CWF19L2: variants seen among roughly 807,000 people sequenced by gnomAD.
The protein encoded by CWF19L2 is CWF19 like cell cycle control factor 2.
In CWF19L2, 98 loss-of-function variants were observed where a neutral mutation model predicts 111.7. The observed-to-expected ratio is 0.88, with a 90% CI of 0.75 to 1.04. The LOEUF (loss-of-function observed/expected upper bound fraction) is 1.04. CWF19L2 is among the 50% of genes least tolerant of loss of function. The probability of loss-of-function intolerance (pLI) is 0.00; values close to 1 mark genes in which losing one functional copy is unlikely to be tolerated. For missense variants in CWF19L2, 1,101 were observed against 1,051.4 expected, an observed-to-expected ratio of 1.05 and a Z score of -0.65; for synonymous variants, 351 against 342.9, an observed-to-expected ratio of 1.02 and a Z score of -0.26.
At chr11:107,342,682 GC>G (rs557273247) in intron 14 of CWF19L2, among the ~76,000 whole-genome samples, 385 of 152,114 alleles carry the variant, frequency 2.5e-3, no homozygotes, top group South Asian at 8.5e-3. Context: ...CTGACTAATG[GC>G]CCCCAAGATA....
rs138792527 is a variant in CWF19L2, at chr11:107,425,179, AACAC to A, written c.1433+3616_1433+3619del. ...TCACATTAAAATGTACTCTCTTTGA[AACAC>A]ACACACACACACACACACACACACA... On this transcript the variant is annotated intron_variant, in intron 8 of 17. Coordinates refer to ENST00000282251, the MANE Select transcript of CWF19L2 (RefSeq NM_152434.3). 4.2e-3 allele frequency among the ~76,000 whole-genome samples: 606 copies of A among 144,906 alleles called. 2 individuals carry two copies. The highest frequency in any genetic ancestry group is 8.3e-3 in the African/African-American group (331 of 39,768).
chr11:107,440,578 T>A (rs1240449403), intron 5 of CWF19L2, among the ~76,000 whole-genome samples: 1 of 151,986 alleles, frequency 6.6e-6, no homozygotes, highest in African/African-American at 2.4e-5. Context: ...AATATACACA[T>A]AAGATACTCA....
At chr11:107,410,144 G>A (rs555080336) in intron 10 of CWF19L2, among the ~76,000 whole-genome samples, 71 of 152,170 alleles carry the variant, frequency 4.7e-4, no homozygotes, top group African/African-American at 1.7e-3. Context: ...AGAATTCTTC[G>A]CTGTTCAAGC....
intron 6 of CWF19L2, among the ~76,000 whole-genome samples, chr11:107,434,396 G>A (rs1457067606): frequency 6.6e-6 from 1 of 151,820 alleles, no homozygotes; most frequent in Non-Finnish European, 1.5e-5. Context: ...TACACATCAC[G>A]CTTTGGATAT....
chr11:107,369,168 T>C lies in CWF19L2; in HGVS notation c.1873-15432A>G, dbSNP rs1860474416. On this transcript the variant is annotated intron_variant, in intron 12 of 17. Coordinates refer to ENST00000282251, the MANE Select transcript of CWF19L2 (RefSeq NM_152434.3). ...CAAGAGTTACACGGTTTTTTAGTTA[T>C]CCATTTTTTTCTTCATTATTTGTGC... 1.5e-5 allele frequency among the ~76,000 whole-genome samples: 2 copies of C among 137,912 alleles called. 1 individual carries two copies. The highest frequency in any genetic ancestry group is 4.9e-4 in the South Asian group (2 of 4,076). 90.5% of individuals were successfully genotyped at this position (137,912 alleles called of 152,430 possible).
At chr11:107,431,989 G>C (rs1365105808) in intron 7 of CWF19L2, among the ~76,000 whole-genome samples, 1 of 151,950 alleles carries the variant, frequency 6.6e-6, no homozygotes, top group African/African-American at 2.4e-5. Flanking sequence ...AACTGAACAA[G>C]CACTCAAGTA....
chr11:107,406,834 C>G (rs1861085549), intron 10 of CWF19L2, among the ~76,000 whole-genome samples: 1 of 151,520 alleles, frequency 6.6e-6, no homozygotes, highest in African/African-American at 2.4e-5. Flanking sequence ...ATCGTATCTA[C>G]TCTTTGTTAT....
chr11:107,378,958 G>C (rs765891597), intron 12 of CWF19L2, among the ~76,000 whole-genome samples: 1 of 152,208 alleles, frequency 6.6e-6, no homozygotes. Context: ...ACAAAGGAGA[G>C]ATCATTCTCC....
chr11:107,380,877 T>C (rs1860675853), intron 12 of CWF19L2, among the ~76,000 whole-genome samples: 1 of 152,210 alleles, frequency 6.6e-6, no homozygotes, highest in Non-Finnish European at 1.5e-5. Context: ...ATAGAGTTAT[T>C]CAGCCTTAAA....
In CWF19L2 at chr11:107,326,521, G is replaced by T. The variant is rs915101435; in HGVS notation, c.*389C>A. ...TCGTCTTATTTTTAAAAATGCAAAA[G>T]AAGCCAGACAGTAGACTTAACAACC... On this transcript the variant is annotated 3_prime_UTR_variant, in exon 18 of 18. Coordinates refer to ENST00000282251, the MANE Select transcript of CWF19L2 (RefSeq NM_152434.3). 4 of 160,008 alleles carry T rather than the reference G, an allele frequency of 2.5e-5. No individual in the cohort carries two copies. Among genetic ancestry groups the T allele is most frequent in the Non-Finnish European group, 5.4e-5 (4 of 73,732 alleles). The allele number at this position is 160,008 out of a possible 1,614,324, so 9.9% of individuals were successfully genotyped here.
At chr11:107,380,168 T>A (rs1163276027) in intron 12 of CWF19L2, among the ~76,000 whole-genome samples, 1 of 151,970 alleles carries the variant, frequency 6.6e-6, no homozygotes, top group Non-Finnish European at 1.5e-5. Flanking sequence ...ATGAATCTAT[T>A]TAATAAGTGC....
In CWF19L2 at chr11:107,371,722, C is replaced by T. The variant is rs1010275810; in HGVS notation, c.1873-17986G>A. ...GGAAACCTGCCCCAGGATCTGACTG[C>T]CCCTGTAACCACAGTTCTAGATGAT... On this transcript the variant is annotated intron_variant, in intron 12 of 17. Transcript: ENST00000282251. 1.2e-4 allele frequency among the ~76,000 whole-genome samples: 17 copies of T among 137,240 alleles called. 4 individuals are homozygous for T. The highest frequency in any genetic ancestry group is 4.7e-4 in the African/African-American group (16 of 34,298). 90.0% of individuals were successfully genotyped at this position (137,240 alleles called of 152,430 possible).
At chr11:107,443,737 T>C (rs1861664770) in intron 3 of CWF19L2, among the ~76,000 whole-genome samples, 1 of 152,200 alleles carries the variant, frequency 6.6e-6, no homozygotes, top group South Asian at 2.1e-4. Context: ...AATTTGCTGT[T>C]TGCCCCTAAG....
At chr11:107,390,674 T>C (rs61660538) in intron 11 of CWF19L2, among the ~76,000 whole-genome samples, 2,658 of 152,302 alleles carry the variant, frequency 0.017, 59 homozygotes, top group African/African-American at 0.059. Flanking sequence ...AATCTCAGTA[T>C]GAAGGTATTA....
chr11:107,456,920 A>G (rs891861724), intron 1 of CWF19L2, among the ~76,000 whole-genome samples: 6 of 152,112 alleles, frequency 3.9e-5, no homozygotes, highest in African/African-American at 1.5e-4. Flanking sequence ...TTTTCCCTTT[A>G]GAGTCTCCTC....
At chr11:107,387,740 G>C (rs1860791581) in intron 12 of CWF19L2, among the ~76,000 whole-genome samples, 1 of 152,174 alleles carries the variant, frequency 6.6e-6, no homozygotes, top group African/African-American at 2.4e-5. Context: ...ATTCACAATA[G>C]GGTTCATGCT....
chr11:107,443,161 G>T, intron 3 of CWF19L2, 112 bp from the exon 4 acceptor site: 1 of 715,740 alleles, frequency 1.4e-6, no homozygotes, highest in Non-Finnish European at 2.4e-6. Context: ...TTCTTACACT[G>T]TATTTCCCCT....
intron 13 of CWF19L2, among the ~76,000 whole-genome samples, chr11:107,351,634 T>C (rs776579909): frequency 1.3e-5 from 2 of 152,216 alleles, no homozygotes; most frequent in South Asian, 2.1e-4. Flanking sequence ...AAGTCTTCTA[T>C]AGTAGATTGC....
chr11:107,368,735 T>C (rs978081485), intron 12 of CWF19L2, among the ~76,000 whole-genome samples: 1 of 138,432 alleles, frequency 7.2e-6, no homozygotes, highest in African/African-American at 2.9e-5. Context: ...ATTTCTTTTA[T>C]AGTCATTTTG....
Sources: gnomAD v4.1 joint callset for allele counts (sites outside exome capture counted in the v4.1 genomes callset) on GRCh38, gnomAD v4.1.1 for gene constraint, MANE v1.5 for transcripts, NCBI Gene and HGNC (gene_info 2026-07-23, HGNC 2026-07-21) for gene names.